GRID2: variants seen among roughly 807,000 people sequenced by gnomAD.
GRID2 encodes glutamate ionotropic receptor delta type subunit 2.
GRID2 carries 33 observed loss-of-function variants against 114.8 expected under a neutral mutation model. That is an observed-to-expected ratio of 0.29 (90% CI 0.22 to 0.38). GRID2 has a LOEUF of 0.38. Among genes scored for constraint, GRID2 ranks in the 10% least tolerant of loss-of-function variants. The pLI, the probability that GRID2 is intolerant of heterozygous loss-of-function variation, is 1.00. For synonymous variants in GRID2, 505 were observed against 449.9 expected (o/e 1.12, Z -1.55); for missense variants, 1,184 against 1,257.7 (o/e 0.94, Z 0.89).
chr4:92,898,157 A>C (rs947667662), intron 2 of GRID2, among the ~76,000 whole-genome samples: 1 of 152,194 alleles, frequency 6.6e-6, no homozygotes, highest in African/African-American at 2.4e-5. Context: ...GGGATATATC[A>C]ATGTCCTGAC....
rs555846874 is a variant in GRID2 at position 93,614,018 on chromosome 4, G to A, written c.2194-12251G>A. Reference sequence around the variant, plus strand: ...GGTGTGGGATATAGTCTCGTGGTGCGCCGTTTTTTAAGCCGGTCTGAAAAG... The same window carrying A: ...GGTGTGGGATATAGTCTCGTGGTGCACCGTTTTTTAAGCCGGTCTGAAAAG... On this transcript the variant is annotated intron_variant, in intron 13 of 15. Transcript: ENST00000282020. Among the ~76,000 whole-genome samples the A allele has an allele frequency of 9.9e-3, 1,509 of 152,072 alleles. 33 individuals carry two copies. Among genetic ancestry groups the A allele is most frequent in the African/African-American group, 0.034 (1,400 of 41,542 alleles).
intron 8 of GRID2, among the ~76,000 whole-genome samples, chr4:93,374,492 T>C (rs1763200316): frequency 6.6e-6 from 1 of 152,188 alleles, no homozygotes; most frequent in Non-Finnish European, 1.5e-5. Flanking sequence ...AGGTCAATAC[T>C]TATTTGGTTA....
intron 1 of GRID2, among the ~76,000 whole-genome samples, chr4:92,518,657 G>A (rs1724623039): frequency 6.6e-6 from 1 of 151,390 alleles, no homozygotes; most frequent in Admixed American, 6.6e-5. Context: ...TGAAACTATT[G>A]AACTGTACAT....
chr4:93,710,414 A>T (rs1008729217), intron 14 of GRID2, among the ~76,000 whole-genome samples: 1 of 152,136 alleles, frequency 6.6e-6, no homozygotes, highest in Non-Finnish European at 1.5e-5. Context: ...CTCTTCCTTT[A>T]CTTTTCGCTA....
Position 93,636,363 on chromosome 4 carries a change from G to C in GRID2, c.2360+9928G>C, listed in dbSNP as rs11941527. ...TGATATAATCTAGGTGTTACTAAAG[G>C]CTTTTTAACAAAATATTCCAGAACT... is the stretch of plus-strand genomic sequence containing the variant. On this transcript the variant is annotated intron_variant, in intron 14 of 15. Coordinates refer to ENST00000282020, the MANE Select transcript of GRID2 (RefSeq NM_001510.4). Among the ~76,000 whole-genome samples, 1,178 of 151,978 alleles carry C rather than the reference G, an allele frequency of 7.8e-3. 19 individuals carry two copies. Among genetic ancestry groups the C allele is most frequent in the African/African-American group, 0.027 (1,127 of 41,450 alleles).
intron 7 of GRID2, among the ~76,000 whole-genome samples, chr4:93,227,688 T>C (rs971002014): frequency 1.3e-5 from 2 of 152,238 alleles, no homozygotes; most frequent in Non-Finnish European, 2.9e-5. Flanking sequence ...GCCTGAATGC[T>C]CTGCTGTTTA....
At chr4:92,681,545 T>C (rs1258113808) in intron 2 of GRID2, among the ~76,000 whole-genome samples, 1 of 150,386 alleles carries the variant, frequency 6.6e-6, no homozygotes, top group Non-Finnish European at 1.5e-5. Flanking sequence ...TATTGTGGGG[T>C]GGGGAGAAGG....
chr4:92,349,882 G>T (rs909181307), intron 1 of GRID2, among the ~76,000 whole-genome samples: 3 of 151,722 alleles, frequency 2.0e-5, no homozygotes, highest in African/African-American at 7.2e-5. Flanking sequence ...CCACATCAAG[G>T]TAAATAAATG....
intron 9 of GRID2, among the ~76,000 whole-genome samples, chr4:93,407,722 TTCTCCTC>T (rs1560588374): frequency 3.3e-5 from 3 of 90,296 alleles, no homozygotes; most frequent in Middle Eastern, 5.2e-3. Flanking sequence ...CTCCTCCTCC[TTCTCCTC>T]CTCCTCCTCC....
intron 1 of GRID2, among the ~76,000 whole-genome samples, chr4:92,564,732 T>C (rs1427641868): frequency 6.6e-6 from 1 of 152,008 alleles, no homozygotes; most frequent in African/African-American, 2.4e-5. Flanking sequence ...GGTTAACCAA[T>C]ACACTTAAAA....
At chr4:92,700,967 C>T (rs1734645477) in intron 2 of GRID2, among the ~76,000 whole-genome samples, 1 of 144,234 alleles carries the variant, frequency 6.9e-6, no homozygotes, top group Admixed American at 7.4e-5. Flanking sequence ...GCACTCCAGC[C>T]TGGGCGACAG....
intron 1 of GRID2, among the ~76,000 whole-genome samples, chr4:92,487,902 A>G (rs993680183): frequency 5.9e-5 from 9 of 152,156 alleles, no homozygotes; most frequent in Admixed American, 2.6e-4. Context: ...TTCTCCTCTA[A>G]GAAAACAATT....
chr4:93,070,836 A>G (rs1191852702), intron 2 of GRID2, among the ~76,000 whole-genome samples: 1 of 152,094 alleles, frequency 6.6e-6, no homozygotes, highest in African/African-American at 2.4e-5. Flanking sequence ...CAGGCAACAG[A>G]CTGTACTTGA....
intron 2 of GRID2, among the ~76,000 whole-genome samples, chr4:92,990,198 C>CTGTG (rs3970985): frequency 4.8e-5 from 6 of 124,764 alleles, no homozygotes; most frequent in South Asian, 2.9e-4. Flanking sequence ...TTAACATTTT[C>CTGTG]TGTGTGTGTG....
At position 93,656,448 on chromosome 4, in the gene GRID2, TGTC is replaced by T. The variant is rs1275886072; in HGVS notation, c.2360+30014_2360+30016del. 2.0e-5 allele frequency among the ~76,000 whole-genome samples: 3 copies of T among 150,362 alleles called. No homozygotes were observed. In the East Asian group the frequency reaches 5.8e-4, roughly 29 times the overall value. On this transcript the variant is annotated intron_variant, in intron 14 of 15. Transcript: ENST00000282020. ...CTATTTGCTATTTTTGAAAAATTATTGTCAGCTTAGATCTACTACAGATGATTA... is the reference window on the plus strand; with the variant it reads ...CTATTTGCTATTTTTGAAAAATTATTAGCTTAGATCTACTACAGATGATTA...
intron 2 of GRID2, among the ~76,000 whole-genome samples, chr4:93,009,933 G>A (rs563754277): frequency 4.0e-4 from 61 of 152,006 alleles, no homozygotes; most frequent in African/African-American, 9.9e-4. Flanking sequence ...GTTTTCCCTA[G>A]GGCTCCCTGC....
At chr4:92,696,360 G>A (rs1032362798) in intron 2 of GRID2, among the ~76,000 whole-genome samples, 2 of 152,054 alleles carry the variant, frequency 1.3e-5, no homozygotes, top group Admixed American at 6.6e-5. Context: ...GGTAAAACGC[G>A]AATATATATC....
At chr4:93,206,772 T>A (rs1210422491) in intron 4 of GRID2, among the ~76,000 whole-genome samples, 1 of 152,150 alleles carries the variant, frequency 6.6e-6, no homozygotes, top group African/African-American at 2.4e-5. Context: ...TTTCATCTTA[T>A]TAGCAATCTA....
At chr4:92,788,763 A>G (rs1198210120) in intron 2 of GRID2, among the ~76,000 whole-genome samples, 1 of 151,836 alleles carries the variant, frequency 6.6e-6, no homozygotes, top group Non-Finnish European at 1.5e-5. Flanking sequence ...ATGTATATCT[A>G]TCTTGAAATA....
Sources: gnomAD v4.1 joint callset for allele counts (sites outside exome capture counted in the v4.1 genomes callset) on GRCh38, gnomAD v4.1.1 for gene constraint, MANE v1.5 for transcripts, NCBI Gene and HGNC (gene_info 2026-07-23, HGNC 2026-07-21) for gene names.